Variants in NOS1AP observed in about 807,000 individuals in gnomAD.
NOS1AP encodes the protein nitric oxide synthase 1 adaptor protein.
A neutral mutation model predicts 56.2 loss-of-function variants in NOS1AP; 21 were observed. The observed-to-expected ratio is 0.37, with a 90% confidence interval of 0.26 to 0.54. The LOEUF (loss-of-function observed/expected upper bound fraction) is 0.54, where lower values mean the gene tolerates loss of function less well. Among genes scored for constraint, NOS1AP ranks in the 20% least tolerant of loss-of-function variants. NOS1AP has a pLI of 0.84. For synonymous variants in NOS1AP, 270 were observed against 274.6 expected (o/e 0.98, Z 0.17); for missense variants, 522 against 657.8 (o/e 0.79, Z 2.26).
intron 2 of NOS1AP, among the ~76,000 whole-genome samples, chr1:162,255,951 C>A (rs549927245): frequency 6.6e-5 from 10 of 152,206 alleles, no homozygotes; most frequent in African/African-American, 2.4e-4. Context: ...TGAGACCAGT[C>A]TGGCTAACAT....
At position 162,332,518 on chromosome 1, in the gene NOS1AP, CAG is replaced by C. The variant is rs553826148; in HGVS notation, c.345-494_345-493del. ...GAACACATGGATGCTGTGGTCCAGG[CAG>C]AGAGGGGACAGAGAGTGGGATCACT... On this transcript the variant is annotated intron_variant, in intron 4 of 9. Transcript: ENST00000361897. Among the ~76,000 whole-genome samples the C allele has an allele frequency of 2.0e-3, 302 of 152,178 alleles. 1 individual carries two copies. The highest frequency in any genetic ancestry group is 3.8e-3 in the Non-Finnish European group (256 of 68,004).
chr1:162,268,083 A>C (rs1654479805), intron 2 of NOS1AP, among the ~76,000 whole-genome samples: 1 of 151,178 alleles, frequency 6.6e-6, no homozygotes, highest in Admixed American at 6.6e-5. Context: ...ATACATTAAA[A>C]CCCCTTCTCT....
chr1:162,133,227 A>G (rs1049414601), intron 1 of NOS1AP, among the ~76,000 whole-genome samples: 1 of 152,264 alleles, frequency 6.6e-6, no homozygotes. Context: ...TGTATTAACA[A>G]AGACAAGTCA....
chr1:162,366,016 T>C (rs1437456970), intron 9 of NOS1AP, among the ~76,000 whole-genome samples: 2 of 152,184 alleles, frequency 1.3e-5, no homozygotes, highest in African/African-American at 4.8e-5. Flanking sequence ...TTCAAGACTC[T>C]GTCACACAGA....
At chr1:162,287,290 G>A (rs16859730) in intron 2 of NOS1AP, 54 bp from the exon 3 acceptor site, 12 of 1,290,044 alleles carry the variant, frequency 9.3e-6, no homozygotes, top group Middle Eastern at 1.8e-4. Context: ...GGTCTGTATA[G>A]ATGCACTGAT....
intron 8 of NOS1AP, among the ~76,000 whole-genome samples, chr1:162,359,368 C>T (rs1210832881): frequency 6.6e-6 from 1 of 152,186 alleles, no homozygotes; most frequent in Non-Finnish European, 1.5e-5. Flanking sequence ...TGAACATACT[C>T]CTGTACCTCT....
chr1:162,365,908 A>G (rs1658071043), intron 9 of NOS1AP, among the ~76,000 whole-genome samples: 1 of 152,188 alleles, frequency 6.6e-6, no homozygotes, highest in South Asian at 2.1e-4. Flanking sequence ...TTTGCAATCA[A>G]CAAACAGTAT....
At chr1:162,317,198 A>G (rs1272493698) in intron 4 of NOS1AP, 1 of 152,170 alleles carries the variant, frequency 6.6e-6, no homozygotes, top group Admixed American at 6.5e-5. Context: ...CCATCAGCAC[A>G]TAATTAATTG....
chr1:162,108,356 T>C (rs1265545932), intron 1 of NOS1AP, among the ~76,000 whole-genome samples: 1 of 152,172 alleles, frequency 6.6e-6, no homozygotes, highest in Non-Finnish European at 1.5e-5. Flanking sequence ...AGCACTGGAT[T>C]GAAACATATC....
chr1:162,296,161 C>T (rs2101748818), intron 3 of NOS1AP, among the ~76,000 whole-genome samples: 1 of 152,152 alleles, frequency 6.6e-6, no homozygotes, highest in Non-Finnish European at 1.5e-5. Context: ...GTGGTGAGTG[C>T]CTGTAGTCCC....
intron 6 of NOS1AP, among the ~76,000 whole-genome samples, chr1:162,352,420 A>AT (rs11362097): frequency 0.02 from 2,798 of 139,652 alleles, 85 homozygotes; most frequent in African/African-American, 0.062. Flanking sequence ...TGCCCCTGGT[A>AT]TTTTTTTTTT....
rs1647334211 is a variant in NOS1AP, at chr1:162,369,838, G to T, written c.*2371G>T. The stretch of plus-strand genomic sequence containing the variant: ...AGCGCATACTTGGTGTGTGGAGATG[G>T]GAGACAAAGGACAGATCTAGGAGCC... On this transcript the variant is annotated 3_prime_UTR_variant, in exon 10 of 10. Transcript: ENST00000361897. 1 of 152,220 alleles carries T rather than the reference G, an allele frequency of 6.6e-6. No individual in the cohort carries two copies. Among genetic ancestry groups the T allele is most frequent in the South Asian group, 2.1e-4 (1 of 4,822 alleles). The allele number at this position is 152,220 out of a possible 1,614,324, so 9.4% of individuals were successfully genotyped here.
At chr1:162,113,755 C>G (rs1647806022) in intron 1 of NOS1AP, among the ~76,000 whole-genome samples, 1 of 152,116 alleles carries the variant, frequency 6.6e-6, no homozygotes, top group African/African-American at 2.4e-5. Flanking sequence ...CAGGCCCCAC[C>G]TCCCATACTG....
intron 1 of NOS1AP, among the ~76,000 whole-genome samples, chr1:162,098,637 C>T (rs191935137): frequency 2.0e-5 from 3 of 152,190 alleles, no homozygotes; most frequent in Admixed American, 6.5e-5. Context: ...CTAGCATCCA[C>T]GAGCTATTCT....
chr1:162,126,252 A>G (rs1303178121), intron 1 of NOS1AP, among the ~76,000 whole-genome samples: 1 of 152,122 alleles, frequency 6.6e-6, no homozygotes, highest in Non-Finnish European at 1.5e-5. Context: ...TTCTTTTCCA[A>G]TTTGGGTGCC....
Position 162,081,748 on chromosome 1 carries a change from ATC to A in NOS1AP, c.105+11468_105+11469del, listed in dbSNP as rs1420140838. ...TCTATATCTATATATCTATATCTAT[ATC>A]TATAGATATATATATATATATATAT... On this transcript the variant is annotated intron_variant, in intron 1 of 9. Coordinates refer to ENST00000361897, the MANE Select transcript of NOS1AP (RefSeq NM_014697.3). Among the ~76,000 whole-genome samples, 69 of 63,804 alleles carry A rather than the reference ATC, an allele frequency of 1.1e-3. 2 individuals are homozygous for A. The highest frequency in any genetic ancestry group is 3.4e-3 in the African/African-American group (67 of 19,920). 41.9% of individuals were successfully genotyped at this position (63,804 alleles called of 152,430 possible). A position where few individuals can be genotyped will look rare whatever the true frequency, so the allele number is the denominator to read the frequency against.
At chr1:162,073,316 A>G (rs1224764859) in intron 1 of NOS1AP, among the ~76,000 whole-genome samples, 1 of 152,186 alleles carries the variant, frequency 6.6e-6, no homozygotes, top group Non-Finnish European at 1.5e-5. Flanking sequence ...TCAGACTCCC[A>G]AATCCAGTGC....
intron 2 of NOS1AP, among the ~76,000 whole-genome samples, chr1:162,215,075 G>A (rs1401759748): frequency 6.6e-6 from 1 of 152,162 alleles, no homozygotes; most frequent in Non-Finnish European, 1.5e-5. Context: ...CATTCTCCGC[G>A]AAGCTTCTCC....
At chr1:162,171,348 G>T (rs1650771715) in intron 2 of NOS1AP, among the ~76,000 whole-genome samples, 1 of 152,128 alleles carries the variant, frequency 6.6e-6, no homozygotes, top group Admixed American at 6.5e-5. Flanking sequence ...ATAAGGAATG[G>T]CACATGACTT....
Sources: allele counts gnomAD v4.1 joint callset (sites outside exome capture counted in the v4.1 genomes callset), GRCh38; gene constraint gnomAD v4.1.1; transcripts MANE v1.5; gene names NCBI Gene and HGNC (gene_info 2026-07-23, HGNC 2026-07-21).